Variants in DLG2 observed in about 807,000 individuals in gnomAD.
DLG2 encodes discs large MAGUK scaffold protein 2.
Under a neutral mutation model 132.5 loss-of-function variants are expected in DLG2, and 45 were observed. The observed-to-expected ratio is 0.34, with a 90% CI of 0.27 to 0.44. The LOEUF (loss-of-function observed/expected upper bound fraction) is 0.44. Ranked by LOEUF, DLG2 falls within the 20% of genes least tolerant of loss-of-function variation. The pLI is 1.00. For synonymous variants in DLG2, 424 were observed against 419.6 expected, an observed-to-expected ratio of 1.01 and a Z score of -0.13; for missense variants, 1,045 against 1,196.9, an observed-to-expected ratio of 0.87 and a Z score of 1.87.
chr11:84,718,482 A>T (rs1211535340), intron 6 of DLG2, among the ~76,000 whole-genome samples: 1 of 152,142 alleles, frequency 6.6e-6, no homozygotes, highest in East Asian at 1.9e-4. Context: ...TTTGAAAGTT[A>T]GGGGAAAACC....
intron 17 of DLG2, among the ~76,000 whole-genome samples, chr11:83,826,583 T>C (rs144513143): frequency 1.3e-5 from 2 of 152,292 alleles, no homozygotes; most frequent in Admixed American, 1.3e-4. Flanking sequence ...TTCCACATGG[T>C]TTCTGGACCA....
intron 7 of DLG2, among the ~76,000 whole-genome samples, chr11:84,327,676 T>A (rs1179317232): frequency 6.6e-6 from 1 of 152,230 alleles, no homozygotes; most frequent in African/African-American, 2.4e-5. Context: ...TAACTTAACT[T>A]CAATTGCATA....
chr11:84,977,797 T>A (rs1030598571), intron 6 of DLG2, among the ~76,000 whole-genome samples: 3 of 152,148 alleles, frequency 2.0e-5, no homozygotes, highest in African/African-American at 7.2e-5. Context: ...GAATTCCTGA[T>A]AAATATTTTG....
At chr11:83,591,310 A>T (rs1371040751) in intron 19 of DLG2, among the ~76,000 whole-genome samples, 2 of 130,704 alleles carry the variant, frequency 1.5e-5, no homozygotes, top group Admixed American at 1.7e-4. Flanking sequence ...AGTGGGCTTC[A>T]TCCCTGGGAT....
rs142383626 is a variant in DLG2, at chr11:83,493,299, G to T, written c.2194-9071C>A. On this transcript the variant is annotated intron_variant, in intron 21 of 27. Transcript: ENST00000376104. Reference sequence around the variant, plus strand: ...GACAGGCCTGTCTAAAATTGTGCTGGCCCTATTACTATTTGCCTTCCTTTG... The same window carrying T: ...GACAGGCCTGTCTAAAATTGTGCTGTCCCTATTACTATTTGCCTTCCTTTG... 3.3e-3 allele frequency among the ~76,000 whole-genome samples: 499 copies of T among 151,592 alleles called. 4 individuals carry two copies. Among genetic ancestry groups the T allele is most frequent in the African/African-American group, 0.011 (470 of 41,246 alleles).
chr11:84,036,683 T>C (rs1332149126), intron 11 of DLG2, among the ~76,000 whole-genome samples: 1 of 152,146 alleles, frequency 6.6e-6, no homozygotes, highest in Admixed American at 6.6e-5. Context: ...GAAAAAATTA[T>C]AAGAAAATCT....
At chr11:83,583,318 C>T (rs1369725472) in intron 19 of DLG2, among the ~76,000 whole-genome samples, 2 of 152,210 alleles carry the variant, frequency 1.3e-5, no homozygotes, top group African/African-American at 2.4e-5. Context: ...CTTTGCACTG[C>T]CCCTCACACA....
At chr11:83,611,743 T>C (rs2060142077) in intron 19 of DLG2, among the ~76,000 whole-genome samples, 1 of 152,212 alleles carries the variant, frequency 6.6e-6, no homozygotes, top group Admixed American at 6.5e-5. Flanking sequence ...ATTCTCTTCT[T>C]TGTCCGCTGA....
At chr11:83,518,074 A>G (rs1423395728) in intron 21 of DLG2, among the ~76,000 whole-genome samples, 4 of 152,198 alleles carry the variant, frequency 2.6e-5, no homozygotes, top group Non-Finnish European at 4.4e-5. Context: ...TTAAGTCTGC[A>G]GAGGTTTCTG....
intron 3 of DLG2, among the ~76,000 whole-genome samples, chr11:85,595,308 T>C (rs1468725993): frequency 6.6e-6 from 1 of 152,078 alleles, no homozygotes; most frequent in Non-Finnish European, 1.5e-5. Flanking sequence ...TAATGAACAC[T>C]GATTATTATT....
chr11:84,197,500 C>T (rs1446923009), intron 8 of DLG2, among the ~76,000 whole-genome samples: 1 of 152,100 alleles, frequency 6.6e-6, no homozygotes, highest in Non-Finnish European at 1.5e-5. Flanking sequence ...CATCATGATT[C>T]CCATGCCACC....
At chr11:85,132,830 A>T in intron 5 of DLG2, 2 of 456,752 alleles carry the variant, frequency 4.4e-6, no homozygotes, top group Non-Finnish European at 4.4e-6. Flanking sequence ...AGTACATGGA[A>T]ATCACACCAG....
intron 6 of DLG2, among the ~76,000 whole-genome samples, chr11:84,655,859 A>C (rs928755118): frequency 2.0e-5 from 3 of 152,014 alleles, no homozygotes; most frequent in African/African-American, 7.2e-5. Context: ...TCATCCACCC[A>C]TGCAAATGTT....
Position 84,223,300 on chromosome 11 carries a change from G to C in DLG2, c.573+27938C>G, listed in dbSNP as rs1038154689. Among the ~76,000 whole-genome samples, 7 of 152,224 alleles carry C rather than the reference G, an allele frequency of 4.6e-5. No homozygotes were observed. In the South Asian group the frequency reaches 6.2e-4, roughly 14 times the overall value. Reference sequence around the variant, plus strand: ...TTTTGCCCTTGATAAGACATTGATTGAGAGAGAATAATGTGTTTTTCTGCG... The same window carrying C: ...TTTTGCCCTTGATAAGACATTGATTCAGAGAGAATAATGTGTTTTTCTGCG... On this transcript the variant is annotated intron_variant, in intron 8 of 27. Transcript: ENST00000376104.
chr11:84,138,311 T>A (rs2094690023), intron 9 of DLG2, among the ~76,000 whole-genome samples: 1 of 152,184 alleles, frequency 6.6e-6, no homozygotes, highest in Non-Finnish European at 1.5e-5. Flanking sequence ...CCCTTCTTAT[T>A]CAGAACAGCC....
chr11:84,379,375 T>TA (rs566203146), intron 7 of DLG2, among the ~76,000 whole-genome samples: 6 of 151,338 alleles, frequency 4.0e-5, no homozygotes, highest in African/African-American at 9.7e-5. Flanking sequence ...TTCCAGAAAT[T>TA]AAAAAAAAGT....
At chr11:84,298,246 G>A (rs369983514) in intron 7 of DLG2, among the ~76,000 whole-genome samples, 6 of 152,082 alleles carry the variant, frequency 3.9e-5, no homozygotes, top group Non-Finnish European at 4.4e-5. Flanking sequence ...GAACATGGGC[G>A]TTTCCATTCA....
chr11:84,318,528 A>G (rs956013112), intron 7 of DLG2, among the ~76,000 whole-genome samples: 8 of 152,122 alleles, frequency 5.3e-5, no homozygotes, highest in African/African-American at 1.9e-4. Flanking sequence ...TATAGGCCTG[A>G]TTTTTGCCTG....
At chr11:84,232,143 A>G (rs2154336776) in intron 8 of DLG2, among the ~76,000 whole-genome samples, 1 of 152,198 alleles carries the variant, frequency 6.6e-6, no homozygotes, top group East Asian at 1.9e-4. Context: ...TCTTGTATTC[A>G]GGTTACAATT....
Sources: allele counts gnomAD v4.1 joint callset (sites outside exome capture counted in the v4.1 genomes callset), GRCh38; gene constraint gnomAD v4.1.1; transcripts MANE v1.5; gene names NCBI Gene and HGNC (gene_info 2026-07-23, HGNC 2026-07-21).